KIF1C: variants seen among roughly 807,000 people sequenced by gnomAD.
KIF1C encodes the protein kinesin-like protein KIF1C.
KIF1C carries 61 observed loss-of-function variants against 126.5 expected under a neutral mutation model. That is an observed-to-expected ratio of 0.48 (90% confidence interval 0.39 to 0.60). The LOEUF (loss-of-function observed/expected upper bound fraction) is 0.60. Ranked by LOEUF, KIF1C falls within the 20% of genes least tolerant of loss-of-function variation. The probability of loss-of-function intolerance (pLI) is 0.00; values close to 1 mark genes in which losing one functional copy is unlikely to be tolerated. For synonymous variants in KIF1C, 640 were observed against 580.6 expected (o/e 1.10, Z -1.47); for missense variants, 1,315 against 1,489.2 (o/e 0.88, Z 1.93).
At chr17:5,000,460 A>G in intron 3 of KIF1C, 108 bp downstream of exon 3, 1 of 789,660 alleles carries the variant, frequency 1.3e-6, no homozygotes. Context: ...CTGGGCACAG[A>G]GCAGGTGCTA....
intron 18 of KIF1C, among the ~76,000 whole-genome samples, chr17:5,015,583 T>A (rs981826586): frequency 3.2e-5 from 2 of 61,912 alleles, no homozygotes; most frequent in African/African-American, 7.4e-5. Context: ...TGCCCCCAGC[T>A]TTTTTTTTTT....
intron 18 of KIF1C, chr17:5,019,727 T>C (rs939921155): frequency 2.0e-6 from 1 of 490,104 alleles, no homozygotes; most frequent in Admixed American, 3.5e-5. Context: ...ACTGGTTTTC[T>C]AAGCTGCTGC....
intron 12 of KIF1C, 89 bp from the exon 13 acceptor site, chr17:5,004,766 C>A (rs1023318414): frequency 1.2e-6 from 2 of 1,602,102 alleles, no homozygotes; most frequent in Admixed American, 3.4e-5. Flanking sequence ...GCCACAATAT[C>A]TTGAGACCTG....
rs775959015 is a variant in KIF1C at position 5,002,083 on chromosome 17, G to A, written c.388G>A (p.Val130Ile). Residue 130 changes from valine (V) to isoleucine (I), a missense_variant, in exon 6 of 23, where the codon GTT (valine) becomes ATT (isoleucine). By Grantham distance (29) the Val-to-Ile change is conservative (BLOSUM62 3). Coordinates refer to ENST00000320785, the MANE Select transcript of KIF1C (RefSeq NM_006612.6). ...GCTCTGTGAGGACCTCTTCTCTCGC[G>A]TTAGTGAGAACCAGAGTGCTCAGCT... ...PQLCEDLFSRVSENQSAQLSY... is the reference protein window; with the variant it reads ...PQLCEDLFSRISENQSAQLSY... The A allele has an allele frequency of 1.5e-5, 24 of 1,613,942 alleles. No individual in the cohort carries two copies. Among genetic ancestry groups the A allele is most frequent in the East Asian group, 4.5e-5 (2 of 44,894 alleles).
rs1282096656 is a variant in KIF1C, at chr17:5,001,259, A to C, written c.221A>C (p.Tyr74Ser). Reference sequence around the variant, plus strand: ...CAGTTTGCATCTCAGCAGCAAGTGTATCGGGACATTGGAGAAGAGATGCTG... The same window carrying C: ...CAGTTTGCATCTCAGCAGCAAGTGTCTCGGGACATTGGAGAAGAGATGCTG... ...DPQFASQQQV[Y>S]RDIGEEMLLH... Residue 74 changes from tyrosine (Y) to serine (S), a missense_variant, in exon 5 of 23, where the codon TAT becomes TCT. By Grantham distance (144) the Tyr-to-Ser change is moderately radical (BLOSUM62 -2). Transcript: ENST00000320785. The C allele has an allele frequency of 6.2e-7, 1 of 1,614,150 alleles. No individual in the cohort carries two copies. The highest frequency in any genetic ancestry group is 8.5e-7 in the Non-Finnish European group (1 of 1,179,984).
chr17:5,006,865 C>G, intron 13 of KIF1C, 50 bp from the exon 14 acceptor site: 1 of 1,587,492 alleles, frequency 6.3e-7, no homozygotes, highest in Non-Finnish European at 8.6e-7. Context: ...TGTCTCTCAT[C>G]AGCTCCTTCT....
In KIF1C at chr17:5,003,038, CT is replaced by C. The variant is rs576354046; in HGVS notation, c.720+212del. On this transcript the variant is annotated intron_variant, in intron 8 of 22. Transcript: ENST00000320785. ...CTGTCCCCCTCTACTGTTTGCTTGT[CT>C]TTTTTTTTTTTTTTTAAGACAGAGT... 0.027 allele frequency among the ~76,000 whole-genome samples: 3,779 copies of C among 140,142 alleles called. 121 individuals carry two copies. Among genetic ancestry groups the C allele is most frequent in the African/African-American group, 0.083 (3,168 of 38,126 alleles). 91.9% of individuals were successfully genotyped at this position (140,142 alleles called of 152,430 possible).
intron 6 of KIF1C, 128 bp downstream of exon 6, chr17:5,002,252 C>A: frequency 9.8e-7 from 1 of 1,017,554 alleles, no homozygotes; most frequent in Non-Finnish European, 1.5e-6. Flanking sequence ...GGCAGTGATT[C>A]TGTCCTTCAG....
At chr17:5,012,402 A>AT (rs1567724582) in intron 16 of KIF1C, among the ~76,000 whole-genome samples, 1 of 152,052 alleles carries the variant, frequency 6.6e-6, no homozygotes, top group Non-Finnish European at 1.5e-5. Flanking sequence ...TGTTGGGGAC[A>AT]TTGGCAGTCA....
chr17:5,007,382 G>A (rs376045430), intron 15 of KIF1C, 40 bp downstream of exon 15: 31 of 1,611,552 alleles, frequency 1.9e-5, no homozygotes, highest in Non-Finnish European at 2.6e-5. Flanking sequence ...TGGAGTTGGA[G>A]GCCATGGGGG....
rs1280020737 is a variant in KIF1C, at chr17:5,000,261, G to A, written c.15G>A (p.Ser5=). 2.6e-5 allele frequency: 41 copies of A among 1,574,476 alleles called. No homozygotes were observed. In the East Asian group the frequency reaches 7.4e-4, roughly 28 times the overall value. MAGA[S]VKVAVRVRPF... Reference sequence around the variant, plus strand: ...TGTCTGGAGCTATGGCTGGTGCCTCGGTGAAAGTGGCAGTGAGGGTTCGGC... The same window carrying A: ...TGTCTGGAGCTATGGCTGGTGCCTCAGTGAAAGTGGCAGTGAGGGTTCGGC... The change falls in exon 3 of 23, where the codon TCG becomes TCA. Residue 5 remains serine, a synonymous_variant. Coordinates refer to ENST00000320785, the MANE Select transcript of KIF1C (RefSeq NM_006612.6).
At position 5,007,362 on chromosome 17, in the gene KIF1C, G is replaced by C. The variant is rs751284068; in HGVS notation, c.1415+20G>C. 1 of 1,613,104 alleles carries C rather than the reference G, an allele frequency of 6.2e-7. No individual in the cohort carries two copies. The highest frequency in any genetic ancestry group is 8.5e-7 in the Non-Finnish European group (1 of 1,179,170). On this transcript the variant is annotated intron_variant, in intron 15 of 22. Transcript: ENST00000320785. ...GGAGAGGTGTGAGGGCCGACAGTTG[G>C]GGTCCTGGGTGGAGTTGGAGGCCAT...
intron 18 of KIF1C, among the ~76,000 whole-genome samples, chr17:5,015,582 C>CTTTTTTTTTT (rs58961639): frequency 2.1e-4 from 15 of 71,248 alleles, no homozygotes; most frequent in East Asian, 9.2e-4. Context: ...CTGCCCCCAG[C>CTTTTTTTTTT]TTTTTTTTTT....
Position 5,024,018 on chromosome 17 carries a change from C to G in KIF1C, c.3179C>G (p.Ser1060Cys). The stretch of plus-strand genomic sequence containing the variant: ...CACTTCCAGCCCAAAAAGCACAACT[C>G]TTATCCCCAGCCACCCCAACCCTAC... ...PQHFQPKKHN[S>C]YPQPPQPYPA... Residue 1060 changes from serine to cysteine, a missense_variant, in exon 23 of 23, where the codon TCT becomes TGT. Ser to Cys is a moderately radical substitution (Grantham distance 112). This residue lies in a region of KIF1C where 441 missense variants were observed against 436.1 expected (regional missense o/e 1.01). Coordinates refer to ENST00000320785, the MANE Select transcript of KIF1C (RefSeq NM_006612.6). 1 of 1,601,328 alleles carries G rather than the reference C, an allele frequency of 6.2e-7. No homozygotes were observed. The highest frequency in any genetic ancestry group is 8.5e-7 in the Non-Finnish European group (1 of 1,173,300).
intron 18 of KIF1C, 41 bp from the exon 19 acceptor site, chr17:5,019,955 C>G (rs1186739630): frequency 1.3e-6 from 2 of 1,520,612 alleles, no homozygotes; most frequent in South Asian, 2.4e-5. Context: ...CCACCTTCCT[C>G]CAGGGTCTAA....
chr17:5,010,845 G>A (rs1005554714), intron 16 of KIF1C, among the ~76,000 whole-genome samples: 2 of 150,672 alleles, frequency 1.3e-5, no homozygotes, highest in African/African-American at 4.9e-5. Context: ...GAGTCTTGCT[G>A]TGTTGCCCAG....
chr17:5,008,226 C>G (rs1447171589), intron 16 of KIF1C, among the ~76,000 whole-genome samples: 1 of 152,148 alleles, frequency 6.6e-6, no homozygotes, highest in Non-Finnish European at 1.5e-5. Flanking sequence ...AGAGGTCAGG[C>G]TCAGGTGGAG....
chr17:5,000,419 C>G (rs1463430951), intron 3 of KIF1C, 67 bp downstream of exon 3: 1 of 1,073,642 alleles, frequency 9.3e-7, no homozygotes, highest in Non-Finnish European at 1.4e-6. Flanking sequence ...ACAGGCCAGT[C>G]CCGCTGGGCC....
At chr17:5,013,555 G>A (rs1035313315) in intron 16 of KIF1C, 98 bp from the exon 17 acceptor site, 1 of 824,308 alleles carries the variant, frequency 1.2e-6, no homozygotes. Flanking sequence ...AGCTGGCAGT[G>A]CCAGGACTGG....
Sources: gnomAD v4.1 joint callset for allele counts (sites outside exome capture counted in the v4.1 genomes callset) on GRCh38, gnomAD v4.1.1 for gene constraint, gnomAD v4.1.1 regional missense constraint, MANE v1.5 for transcripts, NCBI Gene and HGNC (gene_info 2026-07-23, HGNC 2026-07-21) for gene names.